The following PRKG1 variants were observed in gnomAD, a reference collection of about 807,000 sequenced individuals.
PRKG1 encodes the protein protein kinase cGMP-dependent 1, also known as cGMP-dependent protein kinase 1.
PRKG1 carries 35 observed loss-of-function variants against 88.1 expected under a neutral mutation model. That is an observed-to-expected ratio of 0.40 (90% CI 0.30 to 0.53). The LOEUF (loss-of-function observed/expected upper bound fraction) is 0.53, where lower values mean the gene tolerates loss of function less well. Among genes scored for constraint, PRKG1 ranks in the 20% least tolerant of loss-of-function variants. The probability of loss-of-function intolerance (pLI) is 0.59; values close to 1 mark genes in which losing one functional copy is unlikely to be tolerated. For synonymous variants in PRKG1, 303 were observed against 292.5 expected (o/e 1.04, Z -0.37); for missense variants, 540 against 839.8 (o/e 0.64, Z 4.41).
chr10:52,109,770 A>AGATGAAACCAAG (rs1847512831), intron 7 of PRKG1, among the ~76,000 whole-genome samples: 4 of 151,918 alleles, frequency 2.6e-5, no homozygotes, highest in African/African-American at 9.7e-5. Flanking sequence ...CTCAAAAAAA[A>AGATGAAACCAAG]ATCTTATCTC....
intron 2 of PRKG1, among the ~76,000 whole-genome samples, chr10:51,216,691 G>A (rs1266780171): frequency 6.6e-6 from 1 of 152,124 alleles, no homozygotes; most frequent in South Asian, 2.1e-4. Flanking sequence ...GAATTCCACA[G>A]AGGTCTTCAT....
intron 9 of PRKG1, among the ~76,000 whole-genome samples, chr10:52,174,454 A>C (rs1037858721): frequency 6.6e-6 from 1 of 152,098 alleles, no homozygotes; most frequent in African/African-American, 2.4e-5. Flanking sequence ...TCAGAGCAAT[A>C]ACTTTATATG....
chr10:51,501,213 T>C (rs1022735216), intron 3 of PRKG1, among the ~76,000 whole-genome samples: 1 of 152,154 alleles, frequency 6.6e-6, no homozygotes, highest in African/African-American at 2.4e-5. Flanking sequence ...AACCAAAGGA[T>C]TATAGCAGTA....
At chr10:52,128,313 C>T (rs1186709150) in intron 7 of PRKG1, 1 of 985,288 alleles carries the variant, frequency 1.0e-6, no homozygotes, top group African/African-American at 1.7e-5. Flanking sequence ...CTGACAGCTA[C>T]TTTGTATCAA....
chr10:51,677,047 C>T (rs1396803957), intron 3 of PRKG1, among the ~76,000 whole-genome samples: 2 of 152,128 alleles, frequency 1.3e-5, no homozygotes, highest in African/African-American at 4.8e-5. Context: ...AATAATTACC[C>T]CTTCCTTTTT....
intron 2 of PRKG1, among the ~76,000 whole-genome samples, chr10:51,431,200 AC>A (rs1367480218): frequency 6.6e-6 from 1 of 152,170 alleles, no homozygotes; most frequent in Non-Finnish European, 1.5e-5. Context: ...CAATGGCTAT[AC>A]CCATGGGATT....
chr10:51,685,090 G>A (rs1840953246), intron 3 of PRKG1, among the ~76,000 whole-genome samples: 1 of 152,104 alleles, frequency 6.6e-6, no homozygotes, highest in South Asian at 2.1e-4. Flanking sequence ...TTCTAGACCT[G>A]TAATGACCTT....
intron 1 of PRKG1, among the ~76,000 whole-genome samples, chr10:51,099,637 A>T (rs959223528): frequency 1.3e-5 from 2 of 152,144 alleles, no homozygotes; most frequent in African/African-American, 4.8e-5. Context: ...TTTTTAACCC[A>T]GGACTCTGTG....
chr10:51,212,915 C>T (rs988970582), intron 2 of PRKG1, among the ~76,000 whole-genome samples: 1 of 152,130 alleles, frequency 6.6e-6, no homozygotes, highest in African/African-American at 2.4e-5. Flanking sequence ...GGCGATTCCT[C>T]AGGGATCTAG....
At chr10:52,280,988 A>G in intron 13 of PRKG1, 58 bp downstream of exon 13, 3 of 1,544,188 alleles carry the variant, frequency 1.9e-6, no homozygotes, top group Non-Finnish European at 2.6e-6. Flanking sequence ...TGTTTATAAA[A>G]CTGTGTTCAT....
At chr10:51,528,197 C>T (rs1025477222) in intron 3 of PRKG1, among the ~76,000 whole-genome samples, 2 of 152,156 alleles carry the variant, frequency 1.3e-5, no homozygotes, top group African/African-American at 4.8e-5. Context: ...TGAGCTAGAG[C>T]CACTAATCTC....
intron 2 of PRKG1, among the ~76,000 whole-genome samples, chr10:51,462,566 T>A (rs1839773537): frequency 6.6e-6 from 1 of 152,192 alleles, no homozygotes; most frequent in Non-Finnish European, 1.5e-5. Flanking sequence ...AAAAACCAGA[T>A]GATTGATTGC....
At chr10:51,925,202 T>G (rs1842547852) in intron 5 of PRKG1, among the ~76,000 whole-genome samples, 1 of 6,392 alleles carries the variant, frequency 1.6e-4, no homozygotes, top group Non-Finnish European at 2.5e-4. Context: ...TGGGAGGTTT[T>G]TTTTTTGTCT....
chr10:51,627,978 TTCTTTCTTTCTTTCTC>T (rs1367075637), intron 3 of PRKG1, among the ~76,000 whole-genome samples: 7 of 31,934 alleles, frequency 2.2e-4, no homozygotes, highest in African/African-American at 3.1e-4. Context: ...TTCTCTTTCT[TTCTTTCTTTCTTTCTC>T]TCTCTCTCTC....
At chr10:51,824,930 T>C (rs1268739828) in intron 4 of PRKG1, among the ~76,000 whole-genome samples, 3 of 152,144 alleles carry the variant, frequency 2.0e-5, no homozygotes, top group African/African-American at 7.2e-5. Flanking sequence ...GGAGGGACAA[T>C]ACCCAAATCA....
upstream of PRKG1, among the ~76,000 whole-genome samples, chr10:51,071,980 C>T (rs1843832540): frequency 6.6e-6 from 1 of 152,266 alleles, no homozygotes; most frequent in African/African-American, 2.4e-5. Flanking sequence ...GGGCAGATCA[C>T]GAGATCAAGA....
chr10:52,249,239 G>A (rs111801670), intron 9 of PRKG1, among the ~76,000 whole-genome samples: 1 of 151,344 alleles, frequency 6.6e-6, no homozygotes, highest in East Asian at 1.9e-4. Context: ...TTGCCAAAAT[G>A]TCTCATCCTC....
At chr10:51,625,479 T>C (rs1554826694) in intron 3 of PRKG1, among the ~76,000 whole-genome samples, 1 of 151,704 alleles carries the variant, frequency 6.6e-6, no homozygotes, top group Non-Finnish European at 1.5e-5. Flanking sequence ...TCTGTCTCAA[T>C]AAAAAAGAAA....
chr10:51,887,679 T>G (rs2132896373), intron 4 of PRKG1, among the ~76,000 whole-genome samples: 1 of 152,356 alleles, frequency 6.6e-6, no homozygotes. Flanking sequence ...TCCAATAAGT[T>G]ATGTTGGCAC....
Sources: allele counts gnomAD v4.1 joint callset (sites outside exome capture counted in the v4.1 genomes callset), GRCh38; gene constraint gnomAD v4.1.1; transcripts MANE v1.5; gene names NCBI Gene and HGNC (gene_info 2026-07-23, HGNC 2026-07-21).